Variants in LRP1B observed in about 807,000 individuals in gnomAD.
LRP1B encodes LDL receptor related protein 1B, also known as low-density lipoprotein receptor-related protein 1B.
In LRP1B, 217 loss-of-function variants were observed where a neutral mutation model predicts 556.6. The observed-to-expected ratio is 0.39, with a 90% CI of 0.35 to 0.44. The LOEUF is 0.44. LRP1B is among the 20% of genes least tolerant of loss of function. The probability of loss-of-function intolerance (pLI) is 1.00; values close to 1 mark genes in which losing one functional copy is unlikely to be tolerated. For missense variants in LRP1B, 5,053 were observed against 5,620.8 expected (o/e 0.90, Z 3.23); for synonymous variants, 2,047 against 1,865.8 (o/e 1.10, Z -2.50).
chr2:140,582,026 T>C (rs1276006772), intron 43 of LRP1B, among the ~76,000 whole-genome samples: 1 of 152,112 alleles, frequency 6.6e-6, no homozygotes, highest in Non-Finnish European at 1.5e-5. Context: ...TTATGAAGAT[T>C]CTCATGCGAA....
At chr2:140,462,530 A>G (rs181695483) in intron 60 of LRP1B, among the ~76,000 whole-genome samples, 2 of 152,332 alleles carry the variant, frequency 1.3e-5, no homozygotes, top group South Asian at 2.1e-4. Flanking sequence ...CTAAATCATT[A>G]TAGTTGAGCG....
At chr2:141,856,021 A>G (rs567598244) in intron 1 of LRP1B, among the ~76,000 whole-genome samples, 1 of 152,200 alleles carries the variant, frequency 6.6e-6, no homozygotes, top group Non-Finnish European at 1.5e-5. Context: ...TGAGTGTGCT[A>G]TGTAAATGCA....
At chr2:140,498,859 G>C (rs898242363) in intron 55 of LRP1B, among the ~76,000 whole-genome samples, 8 of 151,634 alleles carry the variant, frequency 5.3e-5, no homozygotes, top group Non-Finnish European at 7.4e-5. Context: ...CTGAACCTTT[G>C]CTTAAATCTT....
At chr2:141,807,323 T>C (rs954515550) in intron 2 of LRP1B, among the ~76,000 whole-genome samples, 3 of 152,060 alleles carry the variant, frequency 2.0e-5, no homozygotes, top group Non-Finnish European at 2.9e-5. Flanking sequence ...AAACCATTTA[T>C]AGGGAACAAG....
chr2:140,497,450 TA>T (rs927431252), intron 55 of LRP1B, among the ~76,000 whole-genome samples: 2 of 151,844 alleles, frequency 1.3e-5, no homozygotes, highest in Admixed American at 6.6e-5. Flanking sequence ...ACTGTACACA[TA>T]AAAAAATGGT....
intron 1 of LRP1B, among the ~76,000 whole-genome samples, chr2:141,906,762 G>T (rs1235010569): frequency 6.6e-6 from 1 of 152,012 alleles, no homozygotes; most frequent in African/African-American, 2.4e-5. Context: ...GTGTAAGTGT[G>T]TTTGTGTGTT....
chr2:140,716,515 A>G (rs192279360), intron 36 of LRP1B, among the ~76,000 whole-genome samples, 167 bp downstream of exon 36: 1 of 152,252 alleles, frequency 6.6e-6, no homozygotes, highest in African/African-American at 2.4e-5. Flanking sequence ...CCAAAGGCTC[A>G]AAAACATTAG....
intron 45 of LRP1B, among the ~76,000 whole-genome samples, chr2:140,540,651 T>G (rs950194452): frequency 6.6e-6 from 1 of 152,128 alleles, no homozygotes; most frequent in African/African-American, 2.4e-5. Flanking sequence ...ACTTTTGCTA[T>G]TGATTGAATT....
chr2:142,095,536 G>A (rs1226179203), intron 1 of LRP1B, among the ~76,000 whole-genome samples: 3 of 151,692 alleles, frequency 2.0e-5, no homozygotes, highest in Middle Eastern at 3.4e-3. Context: ...CCATACAGAT[G>A]GGTCATATTT....
intron 72 of LRP1B, among the ~76,000 whole-genome samples, chr2:140,361,423 T>C (rs1682512084): frequency 7.0e-6 from 1 of 143,128 alleles, no homozygotes; most frequent in Non-Finnish European, 1.5e-5. Flanking sequence ...TTTCTTAAGA[T>C]ATTATTAAAT....
At chr2:140,354,601 G>A (rs1310722949) in intron 75 of LRP1B, among the ~76,000 whole-genome samples, 1 of 151,930 alleles carries the variant, frequency 6.6e-6, no homozygotes, top group Non-Finnish European at 1.5e-5. Flanking sequence ...GTTTCCCTTT[G>A]GTACAGAATC....
intron 32 of LRP1B, among the ~76,000 whole-genome samples, chr2:140,801,196 G>A (rs540346858): frequency 2.6e-5 from 4 of 152,076 alleles, no homozygotes; most frequent in Non-Finnish European, 5.9e-5. Flanking sequence ...AGACCTGTTC[G>A]TACATGATTA....
intron 41 of LRP1B, among the ~76,000 whole-genome samples, chr2:140,623,956 G>GTGTATATATATATATATATATATATATA (rs1339496296): frequency 5.6e-5 from 6 of 106,430 alleles, no homozygotes; most frequent in East Asian, 6.2e-4. Flanking sequence ...TTTTATTTAT[G>GTGTATATATATATATATATATATATATA]TATATATATA....
chr2:142,091,753 A>G (rs1706181093), intron 1 of LRP1B, among the ~76,000 whole-genome samples: 1 of 152,184 alleles, frequency 6.6e-6, no homozygotes, highest in African/African-American at 2.4e-5. Context: ...AATTGGTCTA[A>G]GAAAGTCATG....
chr2:140,850,456 C>A (rs1039554596), intron 28 of LRP1B, 127 bp from the exon 29 acceptor site: 5 of 588,096 alleles, frequency 8.5e-6, no homozygotes, highest in Admixed American at 3.1e-5. Context: ...TTGATGGAAA[C>A]AATGCAGTAA....
intron 32 of LRP1B, among the ~76,000 whole-genome samples, chr2:140,807,948 C>T (rs1001641768): frequency 5.9e-5 from 9 of 151,866 alleles, no homozygotes; most frequent in African/African-American, 1.5e-4. Context: ...AAAAATTAAC[C>T]GGGTGTAATG....
chr2:140,780,307 G>A (rs573594677), intron 32 of LRP1B, among the ~76,000 whole-genome samples: 1 of 152,096 alleles, frequency 6.6e-6, no homozygotes, highest in Non-Finnish European at 1.5e-5. Context: ...TAAATTATGA[G>A]CAAAATCAAA....
chr2:140,834,561 C>G (rs113632130), intron 31 of LRP1B, among the ~76,000 whole-genome samples: 2 of 152,124 alleles, frequency 1.3e-5, no homozygotes, highest in Non-Finnish European at 2.9e-5. Context: ...ACAATTTCGG[C>G]TTTGCTCTTT....
intron 1 of LRP1B, among the ~76,000 whole-genome samples, chr2:142,021,443 A>G (rs1356865882): frequency 6.6e-6 from 1 of 152,164 alleles, no homozygotes; most frequent in African/African-American, 2.4e-5. Flanking sequence ...CAAAAGTACT[A>G]GAAGGTACCT....
Sources: gnomAD v4.1 joint callset for allele counts (sites outside exome capture counted in the v4.1 genomes callset) on GRCh38, gnomAD v4.1.1 for gene constraint, MANE v1.5 for transcripts, NCBI Gene and HGNC (gene_info 2026-07-23, HGNC 2026-07-21) for gene names.